The following PPP2R3C variants were observed in gnomAD, a reference collection of about 807,000 sequenced individuals.
PPP2R3C encodes the protein serine/threonine-protein phosphatase 2A regulatory subunit B'' subunit gamma.
Under a neutral mutation model 63.7 loss-of-function variants are expected in PPP2R3C, and 47 were observed. The ratio of observed to expected loss-of-function variants is 0.74; its 90% CI spans 0.58 to 0.94. The LOEUF is 0.94. Among genes scored for constraint, PPP2R3C ranks in the 40% least tolerant of loss-of-function variants. PPP2R3C has a pLI of 0.00. For synonymous variants in PPP2R3C, 180 were observed against 177.4 expected (o/e 1.01, Z -0.12); for missense variants, 421 against 518.4 (o/e 0.81, Z 1.82).
At position 35,099,387 on chromosome 14, in the gene PPP2R3C, G is replaced by A. The variant is rs1265155354; in HGVS notation, c.574-3C>T. On this transcript the variant is annotated splice_region_variant and splice_polypyrimidine_tract_variant and intron_variant, in intron 6 of 12. Transcript: ENST00000261475. ...TCCAATATGTAGTTTTCTAAATCCT[G>A]AAAATAAAACAAAATAAAGTGTTAA... is the stretch of plus-strand genomic sequence containing the variant. 6.3e-7 allele frequency: 1 copy of A among 1,588,260 alleles called. No homozygotes were observed. Among genetic ancestry groups the A allele is most frequent in the African/African-American group, 1.4e-5 (1 of 73,214 alleles).
At chr14:35,116,008 C>A (rs920333522) in intron 2 of PPP2R3C, among the ~76,000 whole-genome samples, 1 of 152,046 alleles carries the variant, frequency 6.6e-6, no homozygotes, top group African/African-American at 2.4e-5. Context: ...AAAGTGTATA[C>A]CTGATAACAT....
chr14:35,099,573 T>A, intron 6 of PPP2R3C, 189 bp from the exon 7 acceptor site: 1 of 664,044 alleles, frequency 1.5e-6, no homozygotes, highest in Non-Finnish European at 2.3e-6. Context: ...TGAAAAGTAG[T>A]AAATTCTACA....
chr14:35,089,442 A>G (rs973447802), intron 11 of PPP2R3C, among the ~76,000 whole-genome samples: 1 of 151,934 alleles, frequency 6.6e-6, no homozygotes, highest in Admixed American at 6.6e-5. Context: ...CATAGCAAAT[A>G]AAAGTATCTA....
chr14:35,122,161 G>A, upstream of PPP2R3C: 1 of 579,536 alleles, frequency 1.7e-6, no homozygotes, highest in Non-Finnish European at 3.1e-6. Flanking sequence ...CACGCTGACT[G>A]GGGGAAAAAA....
At position 35,116,683 on chromosome 14, in the gene PPP2R3C, T is replaced by C. The variant is rs763092407; in HGVS notation, c.113A>G (p.Tyr38Cys). ...TCTACCTCCTTTCCATTCGGAGTAA[T>C]ATTTTGTAAATAAATCCATTTCTTC... ...KDEEMDLFTK[Y>C]YSEWKGGRKN... Residue 38 changes from tyrosine to cysteine, a missense_variant, in exon 2 of 13, where the codon TAT (tyrosine) becomes TGT (cysteine). Coordinates refer to ENST00000261475, the MANE Select transcript of PPP2R3C (RefSeq NM_017917.4). 6.3e-7 allele frequency: 1 copy of C among 1,596,490 alleles called. No homozygotes were observed. Among genetic ancestry groups the C allele is most frequent in the Admixed American group, 1.7e-5 (1 of 58,344 alleles).
At chr14:35,117,032 GCTC>G (rs747278968) in intron 1 of PPP2R3C, 4 of 456,886 alleles carry the variant, frequency 8.8e-6, no homozygotes, top group South Asian at 6.2e-5. Flanking sequence ...TCTGTAGAGT[GCTC>G]CTAATTCATT....
chr14:35,122,214 A>G (rs1484838398), upstream of PPP2R3C: 2 of 499,426 alleles, frequency 4.0e-6, no homozygotes, highest in Non-Finnish European at 7.3e-6. Context: ...GAGGCGACCC[A>G]AGCTCACCAA....
chr14:35,091,304 G>T, intron 10 of PPP2R3C, 97 bp from the exon 11 acceptor site: 2 of 1,194,890 alleles, frequency 1.7e-6, no homozygotes, highest in Non-Finnish European at 2.3e-6. Context: ...ATCAAAGGTG[G>T]CAAATTTAAT....
At chr14:35,114,684 A>AG (rs907436904) in intron 2 of PPP2R3C, among the ~76,000 whole-genome samples, 2 of 152,028 alleles carry the variant, frequency 1.3e-5, no homozygotes, top group African/African-American at 4.8e-5. Flanking sequence ...AGAAAAAAAA[A>AG]TAGACCTCTA....
At chr14:35,105,087 T>C (rs1396544666) in intron 6 of PPP2R3C, among the ~76,000 whole-genome samples, 1 of 151,960 alleles carries the variant, frequency 6.6e-6, no homozygotes, top group African/African-American at 2.4e-5. Flanking sequence ...TCTTGGCCCT[T>C]TAAAAAATAG....
intron 2 of PPP2R3C, 69 bp from the exon 3 acceptor site, chr14:35,110,698 T>G (rs752010074): frequency 1.9e-5 from 19 of 1,022,496 alleles, no homozygotes; most frequent in Admixed American, 6.6e-5. Flanking sequence ...GTATGTGGCC[T>G]CATAAAATAA....
intron 1 of PPP2R3C, chr14:35,117,081 A>G (rs949124631): frequency 9.2e-5 from 42 of 455,910 alleles, no homozygotes; most frequent in African/African-American, 7.8e-4. Flanking sequence ...TACTATGTAC[A>G]GAGAACGCTG....
chr14:35,106,699 C>T (rs1282891861), intron 6 of PPP2R3C, among the ~76,000 whole-genome samples: 1 of 139,476 alleles, frequency 7.2e-6, no homozygotes, highest in Non-Finnish European at 1.5e-5. Context: ...CGGAGTTTCA[C>T]TCTTGTTGCC....
chr14:35,097,791 C>T (rs1320696079), intron 7 of PPP2R3C, among the ~76,000 whole-genome samples: 2 of 151,690 alleles, frequency 1.3e-5, no homozygotes, highest in Non-Finnish European at 2.9e-5. Flanking sequence ...GCTGCTGCTG[C>T]TTTTTTGTAC....
At chr14:35,087,051 C>T (rs1028717351) in intron 12 of PPP2R3C, 1 of 152,140 alleles carries the variant, frequency 6.6e-6, no homozygotes, top group African/African-American at 2.4e-5. Context: ...AGCTTCATTT[C>T]CAATGTTGAT....
rs368142369 is a variant in PPP2R3C at position 35,094,607 on chromosome 14, ACT to A, written c.975+439_975+440del. 7.2e-5 allele frequency among the ~76,000 whole-genome samples: 11 copies of A among 152,078 alleles called. No homozygotes were observed. In the South Asian group the frequency reaches 8.3e-4, roughly 11 times the overall value. ...GTTTTAATTTACGTTAAGACCAAAG[ACT>A]CTGAATCTCAAGTAATTTGATCAGT... On this transcript the variant is annotated intron_variant, in intron 10 of 12. Coordinates refer to ENST00000261475, the MANE Select transcript of PPP2R3C (RefSeq NM_017917.4).
chr14:35,116,626 G>A lies in PPP2R3C; in HGVS notation c.170C>T (p.Pro57Leu). The A allele has an allele frequency of 6.3e-7, 1 of 1,590,554 alleles. No homozygotes were observed. Among genetic ancestry groups the A allele is most frequent in the Non-Finnish European group, 8.6e-7 (1 of 1,167,294 alleles). Residue 57 changes from proline to leucine, a missense_variant, in exon 2 of 13, where the codon CCC (proline) becomes CTC (leucine). Physicochemically the swap from Pro to Leu is moderately conservative, Grantham distance 98. Transcript: ENST00000261475. ...KNTNEFYKTI[P>L]RFYYRLPAED... ...ACTACTTACCCTATAATAAAACCGG[G>A]GAATGGTCTTATAGAATTCATTTGT...
intron 7 of PPP2R3C, among the ~76,000 whole-genome samples, chr14:35,098,472 G>A (rs1416429869): frequency 6.7e-6 from 1 of 148,244 alleles, no homozygotes; most frequent in African/African-American, 2.5e-5. Context: ...TCAGCCTCTC[G>A]AGTAGCTGGG....
At chr14:35,110,980 C>T (rs112697442) in intron 2 of PPP2R3C, among the ~76,000 whole-genome samples, 27,470 of 151,954 alleles carry the variant, frequency 0.18, 2,649 homozygotes, top group Middle Eastern at 0.27. Context: ...GGCTCACACC[C>T]GTAATCCCAG....
Sources: allele counts gnomAD v4.1 joint callset (sites outside exome capture counted in the v4.1 genomes callset), GRCh38; gene constraint gnomAD v4.1.1; transcripts MANE v1.5; gene names NCBI Gene and HGNC (gene_info 2026-07-23, HGNC 2026-07-21).